TRANK1: variants seen among roughly 807,000 people sequenced by gnomAD.
TRANK1 encodes the protein tetratricopeptide repeat and ankyrin repeat containing 1, also known as TPR and ankyrin repeat-containing protein 1.
TRANK1 carries 198 observed loss-of-function variants against 266.0 expected under a neutral mutation model. The observed-to-expected ratio is 0.74, with a 90% CI of 0.66 to 0.84. TRANK1 has a LOEUF of 0.84. Ranked by LOEUF, TRANK1 falls within the 40% of genes least tolerant of loss-of-function variation. TRANK1 has a pLI of 0.00. For missense variants in TRANK1, 3,326 were observed against 3,634.6 expected (o/e 0.92, Z 2.18); for synonymous variants, 1,396 against 1,384.1 (o/e 1.01, Z -0.19).
intron 2 of TRANK1, among the ~76,000 whole-genome samples, chr3:36,904,296 C>T (rs1352760210): frequency 2.0e-5 from 3 of 151,538 alleles, no homozygotes; most frequent in Admixed American, 6.6e-5. Flanking sequence ...TTCGGGAGGC[C>T]GAGGCCGAGG....
chr3:36,851,793 C>A lies in TRANK1; in HGVS notation c.4813G>T (p.Val1605Leu), dbSNP rs1194293863. The A allele has an allele frequency of 6.2e-7, 1 of 1,612,108 alleles. No individual in the cohort carries two copies. The highest frequency in any genetic ancestry group is 8.5e-7 in the Non-Finnish European group (1 of 1,178,976). Residue 1605 changes from valine (V) to leucine (L), a missense_variant, in exon 15 of 24, where the codon GTG becomes TTG. Physicochemically the swap from Val to Leu is conservative, Grantham distance 32. Transcript: ENST00000645898. ...KIPEELGLAL[V>L]LTIYEAKGLE... ...CCTTTTGCTTCATAAATTGTTAGCA[C>A]AAGTGCTAACCCCAGCTCTTCTGGA...
In TRANK1 at chr3:36,903,152, C is replaced by CCA; in HGVS notation, c.278_279insTG (p.Lys94GlyfsTer12). ...CCTTCACCCTCCCACCCCATACCTT[C>CCA]ACGTAGGTTGGATCCCATTGGAGAC... On this transcript the variant is annotated frameshift_variant, in exon 3 of 24. Coordinates refer to ENST00000645898, the MANE Select transcript of TRANK1 (RefSeq NM_001329998.2). LOFTEE classifies it high-confidence loss of function. 5 of 1,537,182 alleles carry CCA rather than the reference C, an allele frequency of 3.3e-6. No individual in the cohort carries two copies. Among genetic ancestry groups the CCA allele is most frequent in the Non-Finnish European group, 4.4e-6 (5 of 1,146,814 alleles).
chr3:36,842,413 A>G (rs536970543), intron 18 of TRANK1, among the ~76,000 whole-genome samples: 1 of 152,360 alleles, frequency 6.6e-6, no homozygotes, highest in Admixed American at 6.5e-5. Context: ...CACTTGGCCA[A>G]AATGAAGAGT....
chr3:36,932,138 C>T (rs540518737), intron 1 of TRANK1, among the ~76,000 whole-genome samples: 2 of 152,246 alleles, frequency 1.3e-5, no homozygotes, highest in East Asian at 3.9e-4. Context: ...AAAAAAGTAA[C>T]AGACATGAAT....
Position 36,878,604 on chromosome 3 carries a change from C to A in TRANK1, c.908-4308G>T, listed in dbSNP as rs375694997. Among the ~76,000 whole-genome samples the A allele has an allele frequency of 7.9e-5, 12 of 152,100 alleles. No homozygotes were observed. In the East Asian group the frequency reaches 1.4e-3, roughly 17 times the overall value. On this transcript the variant is annotated intron_variant, in intron 8 of 23. Transcript: ENST00000645898. Reference sequence around the variant, plus strand: ...GGAGGGAAACAACAGACACTAGGGCCTACTTGAGGATGGAGGGTGTAAGGA... The same window carrying A: ...GGAGGGAAACAACAGACACTAGGGCATACTTGAGGATGGAGGGTGTAAGGA...
intron 1 of TRANK1, among the ~76,000 whole-genome samples, chr3:36,926,021 A>T (rs1382480016): frequency 6.6e-6 from 1 of 152,180 alleles, no homozygotes; most frequent in African/African-American, 2.4e-5. Flanking sequence ...TACAATTGCT[A>T]TTTGCAAGGA....
intron 23 of TRANK1, 106 bp downstream of exon 23, chr3:36,829,458 A>G (rs1667603254): frequency 9.9e-7 from 1 of 1,013,726 alleles, no homozygotes; most frequent in African/African-American, 1.6e-5. Context: ...AGAGTCCACT[A>G]TTGACATCAC....
chr3:36,862,961 GA>G (rs1166000596), intron 10 of TRANK1, among the ~76,000 whole-genome samples: 3 of 152,016 alleles, frequency 2.0e-5, no homozygotes, highest in African/African-American at 7.3e-5. Context: ...TTTTCAATAG[GA>G]AGAGCTATAA....
At chr3:36,904,484 C>T (rs892519210) in intron 2 of TRANK1, among the ~76,000 whole-genome samples, 3 of 151,378 alleles carry the variant, frequency 2.0e-5, no homozygotes, top group Non-Finnish European at 4.4e-5. Flanking sequence ...CGCACCACTG[C>T]ACTCCAGCCT....
intron 20 of TRANK1, among the ~76,000 whole-genome samples, chr3:36,836,530 C>T (rs1362728760): frequency 6.6e-6 from 1 of 152,164 alleles, no homozygotes; most frequent in Non-Finnish European, 1.5e-5. Flanking sequence ...TTCAATAATG[C>T]ATGCATTTGA....
In TRANK1 at chr3:36,830,883, G is replaced by A; in HGVS notation, c.8700C>T (p.Ala2900=). The A allele has an allele frequency of 6.2e-7, 1 of 1,603,834 alleles. No homozygotes were observed. The highest frequency in any genetic ancestry group is 8.5e-7 in the Non-Finnish European group (1 of 1,172,978). The change falls in exon 22 of 24, where the codon GCC becomes GCT. Residue 2900 remains alanine (A), a synonymous_variant. Coordinates refer to ENST00000645898, the MANE Select transcript of TRANK1 (RefSeq NM_001329998.2). ...DMVEDLYRRK[A]WAGAEEAMTR... ...TCTGCAGACCCTTACCGCCAGCCCA[G>A]GCCTTCCGCCTGTAGAGGTCCTCCA...
chr3:36,916,802 T>TG (rs1358493308), intron 1 of TRANK1, among the ~76,000 whole-genome samples: 4 of 150,656 alleles, frequency 2.7e-5, no homozygotes, highest in African/African-American at 9.9e-5. Flanking sequence ...GGGTTTTTTT[T>TG]GTTTTTTTTT....
intron 8 of TRANK1, among the ~76,000 whole-genome samples, chr3:36,889,317 A>G (rs906749306): frequency 6.6e-6 from 1 of 152,172 alleles, no homozygotes; most frequent in Non-Finnish European, 1.5e-5. Context: ...CCAGGCTAAC[A>G]TGGTGCACCG....
chr3:36,894,319 C>T (rs2079756411), intron 5 of TRANK1, among the ~76,000 whole-genome samples: 1 of 152,238 alleles, frequency 6.6e-6, no homozygotes, highest in South Asian at 2.1e-4. Context: ...AACTATCTTC[C>T]TGCTAATGAG....
intron 8 of TRANK1, among the ~76,000 whole-genome samples, chr3:36,875,087 A>G (rs1402713273): frequency 6.6e-6 from 1 of 151,990 alleles, no homozygotes; most frequent in Non-Finnish European, 1.5e-5. Context: ...CTAAGCCCCC[A>G]AGATTTCTGA....
Position 36,936,508 on chromosome 3 carries a change from G to A in TRANK1, c.23+8279C>T, listed in dbSNP as rs560881470. On this transcript the variant is annotated intron_variant, in intron 1 of 23. Transcript: ENST00000645898. ...GTCTCAAAAAAAGAAAAAAAAAAAA[G>A]GAAATTGAAGGGAATCTAAGATAGG... is the stretch of plus-strand genomic sequence containing the variant. 4.0e-5 allele frequency among the ~76,000 whole-genome samples: 6 copies of A among 150,398 alleles called. No individual in the cohort carries two copies. The East Asian group carries it at 7.8e-4, about 20-fold the overall frequency.
chr3:36,841,689 G>T (rs1352205143), intron 18 of TRANK1, among the ~76,000 whole-genome samples: 3 of 152,132 alleles, frequency 2.0e-5, no homozygotes, highest in Non-Finnish European at 2.9e-5. Context: ...TCAATGAGAA[G>T]AAAGTGCCTG....
In TRANK1 at chr3:36,892,870, T is replaced by TATAG. The variant is rs1559457887; in HGVS notation, c.636+30_636+31insCTAT. On this transcript the variant is annotated intron_variant, in intron 6 of 23. Coordinates refer to ENST00000645898, the MANE Select transcript of TRANK1 (RefSeq NM_001329998.2). ...AACAAAACATATATATATATATATA[T>TATAG]AGATATATATAGATATATATATCAC... The TATAG allele has an allele frequency of 4.6e-6, 3 of 647,904 alleles. No homozygotes were observed. In the African/African-American group the frequency reaches 6.2e-5, roughly 13 times the overall value. The allele number at this position is 647,904 out of a possible 1,614,324, so 40.1% of individuals were successfully genotyped here. A position where few individuals can be genotyped will look rare whatever the true frequency, so the allele number is the denominator to read the frequency against.
intron 9 of TRANK1, among the ~76,000 whole-genome samples, chr3:36,873,637 C>T (rs550968642): frequency 4.3e-4 from 65 of 152,206 alleles, no homozygotes; most frequent in Non-Finnish European, 6.3e-4. Context: ...ATACACGTAG[C>T]ATTACTAAAC....
Sources: gnomAD v4.1 joint callset for allele counts (sites outside exome capture counted in the v4.1 genomes callset) on GRCh38, gnomAD v4.1.1 for gene constraint, MANE v1.5 for transcripts, NCBI Gene and HGNC (gene_info 2026-07-23, HGNC 2026-07-21) for gene names.